MAGI1: variants seen among roughly 807,000 people sequenced by gnomAD.
The protein encoded by MAGI1 is membrane associated guanylate kinase, WW and PDZ domain containing 1, also known as membrane-associated guanylate kinase, WW and PDZ domain-containing protein 1.
MAGI1 carries 58 observed loss-of-function variants against 139.9 expected under a neutral mutation model. The ratio of observed to expected loss-of-function variants is 0.41; its 90% CI spans 0.34 to 0.52. The LOEUF is 0.52. Ranked by LOEUF, MAGI1 falls within the 20% of genes least tolerant of loss-of-function variation. The pLI, the probability that MAGI1 is intolerant of heterozygous loss-of-function variation, is 0.12. For synonymous variants in MAGI1, 812 were observed against 737.9 expected, an observed-to-expected ratio of 1.10 and a Z score of -1.63; for missense variants, 1,874 against 1,901.6, an observed-to-expected ratio of 0.99 and a Z score of 0.27.
chr3:65,987,004 G>A (rs1029995249), intron 1 of MAGI1, among the ~76,000 whole-genome samples: 2 of 151,884 alleles, frequency 1.3e-5, no homozygotes, highest in Non-Finnish European at 2.9e-5. Flanking sequence ...CAGAGTAGCT[G>A]GGACTACAGG....
intron 1 of MAGI1, among the ~76,000 whole-genome samples, chr3:65,922,673 T>C (rs1244095509): frequency 1.3e-5 from 2 of 152,198 alleles, no homozygotes; most frequent in African/African-American, 4.8e-5. Context: ...TGATATTTTA[T>C]TACAGCAGCC....
chr3:65,611,932 A>G (rs887816725), intron 2 of MAGI1, among the ~76,000 whole-genome samples: 8 of 151,914 alleles, frequency 5.3e-5, no homozygotes, highest in African/African-American at 1.7e-4. Context: ...TAAGATTTCT[A>G]CAAGTATTCA....
chr3:65,466,673 G>C (rs1434608107), intron 5 of MAGI1, among the ~76,000 whole-genome samples: 1 of 152,182 alleles, frequency 6.6e-6, no homozygotes, highest in African/African-American at 2.4e-5. Context: ...CCACACCAGT[G>C]GGGAGGAAGA....
intron 1 of MAGI1, among the ~76,000 whole-genome samples, chr3:65,628,781 T>C (rs2084123534): frequency 6.6e-6 from 1 of 152,166 alleles, no homozygotes; most frequent in Admixed American, 6.6e-5. Flanking sequence ...TTTCCCAATC[T>C]ACTAAAGATA....
intron 1 of MAGI1, among the ~76,000 whole-genome samples, chr3:65,932,212 CA>C (rs2062835847): frequency 6.6e-6 from 1 of 152,112 alleles, no homozygotes; most frequent in Non-Finnish European, 1.5e-5. Flanking sequence ...TTTTCTCTCC[CA>C]ACCAACATAA....
intron 1 of MAGI1, among the ~76,000 whole-genome samples, chr3:65,839,968 TA>T (rs1321109481): frequency 1.3e-5 from 2 of 152,210 alleles, no homozygotes; most frequent in Non-Finnish European, 2.9e-5. Context: ...GTCACCATAC[TA>T]AATCTGGTAT....
intron 2 of MAGI1, among the ~76,000 whole-genome samples, chr3:65,572,244 T>C (rs891165841): frequency 6.6e-6 from 1 of 152,120 alleles, no homozygotes; most frequent in Admixed American, 6.6e-5. Context: ...ATCTCATTTT[T>C]ATAAACAATT....
At chr3:65,682,913 G>A (rs981820516) in intron 1 of MAGI1, among the ~76,000 whole-genome samples, 13 of 152,062 alleles carry the variant, frequency 8.5e-5, no homozygotes, top group South Asian at 4.2e-4. Context: ...TTTTTCCAAC[G>A]GATGGGGACG....
At chr3:65,651,019 T>C (rs1335434116) in intron 1 of MAGI1, among the ~76,000 whole-genome samples, 1 of 152,140 alleles carries the variant, frequency 6.6e-6, no homozygotes, top group East Asian at 1.9e-4. Flanking sequence ...CCAAAAAAAT[T>C]GTTTCTTTAA....
At chr3:65,616,649 A>G (rs937823289) in intron 2 of MAGI1, among the ~76,000 whole-genome samples, 2 of 152,192 alleles carry the variant, frequency 1.3e-5, no homozygotes, top group Non-Finnish European at 2.9e-5. Flanking sequence ...GATAGAGGAC[A>G]AGGGCAGAGA....
chr3:65,779,962 A>G (rs2038795522), intron 1 of MAGI1, among the ~76,000 whole-genome samples: 1 of 148,906 alleles, frequency 6.7e-6, no homozygotes, highest in African/African-American at 2.5e-5. Context: ...GTTTCCTAAC[A>G]CATTTGACAA....
At position 65,800,623 on chromosome 3, in the gene MAGI1, G is replaced by A. The variant is rs114072170; in HGVS notation, c.314-178535C>T. ...TATGAACTCCCACCATGGGAAATAC[G>A]TTTTTTAATTAGATTAAAAAAAAAA... On this transcript the variant is annotated intron_variant, in intron 1 of 22. Transcript: ENST00000402939. 6.8e-3 allele frequency among the ~76,000 whole-genome samples: 883 copies of A among 129,914 alleles called. 6 individuals are homozygous for A. The highest frequency in any genetic ancestry group is 0.023 in the African/African-American group (839 of 35,950). The allele number at this position is 129,914 out of a possible 152,430, so 85.2% of individuals were successfully genotyped here. A position where few individuals can be genotyped will look rare whatever the true frequency, so the allele number is the denominator to read the frequency against.
At chr3:65,481,462 A>G (rs1194062111) in intron 3 of MAGI1, among the ~76,000 whole-genome samples, 1 of 152,228 alleles carries the variant, frequency 6.6e-6, no homozygotes, top group Non-Finnish European at 1.5e-5. Context: ...TTTAAAAATA[A>G]TCTGCATAGT....
intron 2 of MAGI1, chr3:65,532,770 T>C (rs936671724): frequency 6.6e-6 from 1 of 152,186 alleles, no homozygotes; most frequent in Non-Finnish European, 1.5e-5. Flanking sequence ...AGAAGAAACA[T>C]ACAATGCACT....
At chr3:65,966,736 A>T (rs1276147187) in intron 1 of MAGI1, among the ~76,000 whole-genome samples, 1 of 152,216 alleles carries the variant, frequency 6.6e-6, no homozygotes, top group African/African-American at 2.4e-5. Flanking sequence ...GCAAGTGGGG[A>T]TAATCTGCTT....
At chr3:65,879,426 C>T (rs185966783) in intron 1 of MAGI1, among the ~76,000 whole-genome samples, 7 of 152,164 alleles carry the variant, frequency 4.6e-5, no homozygotes, top group African/African-American at 7.2e-5. Flanking sequence ...AAACAGGTCT[C>T]TTTAACAATT....
In MAGI1 at chr3:65,962,276, G is replaced by A. The variant is rs968870344; in HGVS notation, c.313+75720C>T. The stretch of plus-strand genomic sequence containing the variant: ...TGGGACTACAGGCACCCGCCACCAT[G>A]CCCGGCTAATTTTTTTTTGTATTTT... On this transcript the variant is annotated intron_variant, in intron 1 of 22. Coordinates refer to ENST00000402939, the MANE Select transcript of MAGI1 (RefSeq NM_001033057.2). Among the ~76,000 whole-genome samples the A allele has an allele frequency of 2.0e-5, 3 of 151,636 alleles. No homozygotes were observed. In the East Asian group the frequency reaches 5.9e-4, roughly 30 times the overall value.
intron 1 of MAGI1, among the ~76,000 whole-genome samples, chr3:65,785,930 T>A (rs1464572662): frequency 6.6e-6 from 1 of 151,664 alleles, no homozygotes; most frequent in African/African-American, 2.4e-5. Context: ...CCTGCTGTCA[T>A]CTTAACTTTT....
Position 65,429,651 on chromosome 3 carries a change from C to A in MAGI1, c.2036G>T (p.Gly679Val). The part of the protein sequence containing the change: ...KQIVDSPRCR[G>V]LKEGDLIVEV... ...CACTATGAGATCCCCTTCTTTCAGG[C>A]CTCGGCACCTTGGGCTGTCAACAAT... Residue 679 changes from glycine (G) to valine (V), a missense_variant, in exon 12 of 23, where the codon GGC (glycine) becomes GTC (valine). Around this residue, in one of 5 missense-constraint regions of MAGI1, gnomAD observed 482 missense variants for 509.6 expected, o/e 0.95. Transcript: ENST00000402939. 1 of 1,613,968 alleles carries A rather than the reference C, an allele frequency of 6.2e-7. No homozygotes were observed. The highest frequency in any genetic ancestry group is 8.5e-7 in the Non-Finnish European group (1 of 1,179,946).
Sources: gnomAD v4.1 joint callset for allele counts (sites outside exome capture counted in the v4.1 genomes callset) on GRCh38, gnomAD v4.1.1 for gene constraint, gnomAD v4.1.1 regional missense constraint, MANE v1.5 for transcripts, NCBI Gene and HGNC (gene_info 2026-07-23, HGNC 2026-07-21) for gene names.